The following ZZEF1 variants were observed in gnomAD, a reference collection of about 807,000 sequenced individuals.
ZZEF1 encodes zinc finger ZZ-type and EF-hand domain containing 1, also known as zinc finger ZZ-type and EF-hand domain-containing protein 1.
ZZEF1 carries 157 observed loss-of-function variants against 342.8 expected under a neutral mutation model. The observed-to-expected ratio is 0.46, with a 90% CI of 0.40 to 0.52. The LOEUF (loss-of-function observed/expected upper bound fraction) is 0.52. Ranked by LOEUF, ZZEF1 falls within the 20% of genes least tolerant of loss-of-function variation. ZZEF1 has a pLI of 0.00. For synonymous variants in ZZEF1, 1,505 were observed against 1,429.1 expected (o/e 1.05, Z -1.20); for missense variants, 3,480 against 3,725.6 (o/e 0.93, Z 1.72).
intron 40 of ZZEF1, chr17:4,033,240 C>CTG (rs2056588788): frequency 4.5e-6 from 2 of 442,704 alleles, no homozygotes; most frequent in African/African-American, 1.9e-5. Context: ...TAAAAATCAC[C>CTG]TGTGTGTGTG....
intron 1 of ZZEF1, among the ~76,000 whole-genome samples, chr17:4,124,444 T>C (rs1178502321): frequency 6.6e-6 from 1 of 152,124 alleles, no homozygotes; most frequent in Non-Finnish European, 1.5e-5. Context: ...AGCTGGGCTT[T>C]TTCTTTTCCC....
intron 39 of ZZEF1, among the ~76,000 whole-genome samples, chr17:4,036,625 G>T (rs2056669238): frequency 6.6e-6 from 1 of 151,722 alleles, no homozygotes; most frequent in Non-Finnish European, 1.5e-5. Flanking sequence ...CCAGCTACTA[G>T]GAAGGCTGAG....
At chr17:4,079,328 G>C (rs1247898341) in intron 18 of ZZEF1, among the ~76,000 whole-genome samples, 2 of 152,170 alleles carry the variant, frequency 1.3e-5, no homozygotes, top group East Asian at 3.9e-4. Context: ...AAAGACTGGT[G>C]AGGGGGAGAA....
intron 41 of ZZEF1, among the ~76,000 whole-genome samples, chr17:4,032,502 G>A (rs1013480701): frequency 1.2e-4 from 18 of 152,300 alleles, no homozygotes; most frequent in African/African-American, 4.3e-4. Flanking sequence ...GGGACATGAA[G>A]ATTAGAAATA....
At chr17:4,085,873 G>A in intron 15 of ZZEF1, 70 bp from the exon 16 acceptor site, 2 of 1,573,070 alleles carry the variant, frequency 1.3e-6, no homozygotes, top group Non-Finnish European at 1.7e-6. Context: ...GCTATAACTA[G>A]CCTATAAATT....
At chr17:4,129,610 G>A (rs1265211140) in intron 1 of ZZEF1, among the ~76,000 whole-genome samples, 26 of 152,056 alleles carry the variant, frequency 1.7e-4, no homozygotes, top group Admixed American at 5.2e-4. Flanking sequence ...AGGCCGAGGC[G>A]GATGGATCAC....
At chr17:4,082,568 G>A in intron 16 of ZZEF1, 64 bp from the exon 17 acceptor site, 17 of 1,518,790 alleles carry the variant, frequency 1.1e-5, no homozygotes, top group African/African-American at 1.4e-5. Context: ...GAGACCTAGA[G>A]CGGCAATGAA....
chr17:4,083,754 C>T (rs972900253), intron 16 of ZZEF1, among the ~76,000 whole-genome samples: 1 of 151,592 alleles, frequency 6.6e-6, no homozygotes, highest in Non-Finnish European at 1.5e-5. Flanking sequence ...TCTCCTGCTT[C>T]GACCTCCCGA....
rs540217172 is a variant in ZZEF1 at position 4,014,619 on chromosome 17, T to A, written c.8146-104A>T. The A allele has an allele frequency of 6.5e-6, 8 of 1,230,258 alleles. No individual in the cohort carries two copies. The Admixed American group carries it at 8.9e-5, about 14-fold the overall frequency. The allele number at this position is 1,230,258 out of a possible 1,614,324, so 76.2% of individuals were successfully genotyped here. On this transcript the variant is annotated intron_variant, in intron 49 of 54. Transcript: ENST00000381638. This position sits in a 1 kb window ranked among gnomAD's most constrained non-coding sequence, Gnocchi z 4.4. ...GTGGCTGGACCCGGGTGTGTGAGAATGAGTGAACCACAGCCCTGGCCTCCA... is the reference window on the plus strand; with the variant it reads ...GTGGCTGGACCCGGGTGTGTGAGAAAGAGTGAACCACAGCCCTGGCCTCCA...
At chr17:4,072,552 T>C in intron 25 of ZZEF1, 56 bp downstream of exon 25, 5 of 1,539,798 alleles carry the variant, frequency 3.2e-6, no homozygotes, top group East Asian at 2.3e-5. Context: ...CTTAAAGTAA[T>C]AAATACTTGC....
chr17:4,024,847 C>T, intron 43 of ZZEF1, 72 bp downstream of exon 43: 1 of 1,437,666 alleles, frequency 7.0e-7, no homozygotes, highest in Non-Finnish European at 9.8e-7. Flanking sequence ...ATGGCATTTC[C>T]TCCTAGTTAA....
At chr17:4,007,017 C>G in intron 54 of ZZEF1, 47 bp from the exon 55 acceptor site, 1 of 1,499,708 alleles carries the variant, frequency 6.7e-7, no homozygotes, top group Non-Finnish European at 9.0e-7. Flanking sequence ...GCCACTCCCT[C>G]ATTCAGTGAG....
Position 4,087,429 on chromosome 17 carries a change from C to T in ZZEF1, c.2342+5G>A. 6.2e-7 allele frequency: 1 copy of T among 1,605,434 alleles called. No homozygotes were observed. On this transcript the variant is annotated splice_donor_5th_base_variant and intron_variant, in intron 14 of 54. Coordinates refer to ENST00000381638, the MANE Select transcript of ZZEF1 (RefSeq NM_015113.4). ...CTTATCACCTTATAACAAATTCTGA[C>T]CTACTTTTGCTTTAATTTACTGTAA...
chr17:4,105,746 G>T lies in ZZEF1; in HGVS notation c.1341C>A (p.Phe447Leu), dbSNP rs143093880. 1.2e-6 allele frequency: 2 copies of T among 1,613,310 alleles called. No individual in the cohort carries two copies. Among genetic ancestry groups the T allele is most frequent in the South Asian group, 1.1e-5 (1 of 90,898 alleles). The part of the protein sequence containing the change: ...LSPGSTDFST[F>L]LSPNVLEEVD... The stretch of plus-strand genomic sequence containing the variant: ...CTTCTTCCAGCACATTAGGGGAGAG[G>T]AAAGTTGAGAAATCTGTAGATCCTG... The change falls in exon 7 of 55, where the codon TTC becomes TTA. Residue 447 changes from phenylalanine (F) to leucine (L), a missense_variant. Physicochemically the swap from Phe to Leu is conservative, Grantham distance 22. Transcript: ENST00000381638.
At chr17:4,025,201 G>A in intron 42 of ZZEF1, 83 bp from the exon 43 acceptor site, 1 of 1,314,668 alleles carries the variant, frequency 7.6e-7, no homozygotes, top group Non-Finnish European at 1.1e-6. Flanking sequence ...ATAGTAACAT[G>A]CCTTACTAAA....
chr17:4,009,121 G>A (rs1360102774), intron 53 of ZZEF1, 167 bp from the exon 54 acceptor site: 2 of 840,690 alleles, frequency 2.4e-6, no homozygotes, highest in East Asian at 5.4e-5. Context: ...CCTGGCGGGA[G>A]CCAGGTGCCC....
chr17:4,070,445 G>C (rs192540968), intron 26 of ZZEF1, among the ~76,000 whole-genome samples: 1 of 152,200 alleles, frequency 6.6e-6, no homozygotes, highest in Non-Finnish European at 1.5e-5. Context: ...GAGAATTCTG[G>C]ATAAAGATAA....
intron 16 of ZZEF1, among the ~76,000 whole-genome samples, chr17:4,083,682 G>T (rs1412518862): frequency 6.7e-6 from 1 of 149,190 alleles, no homozygotes; most frequent in African/African-American, 2.5e-5. Context: ...CTGTTGCCCA[G>T]GGTGAAGTGC....
At chr17:4,019,599 G>T in intron 46 of ZZEF1, 70 bp downstream of exon 46, 1 of 1,387,158 alleles carries the variant, frequency 7.2e-7, no homozygotes, top group Non-Finnish European at 1.0e-6. Context: ...GCTGCCAGGA[G>T]GCGCACACCC....
Sources: gnomAD v4.1 joint callset for allele counts (sites outside exome capture counted in the v4.1 genomes callset) on GRCh38, gnomAD v4.1.1 for gene constraint, Gnocchi (gnomAD v3.1) non-coding constraint, MANE v1.5 for transcripts, NCBI Gene and HGNC (gene_info 2026-07-23, HGNC 2026-07-21) for gene names.